MAPK8: variants seen among roughly 807,000 people sequenced by gnomAD.
MAPK8 encodes the protein mitogen-activated protein kinase 8.
MAPK8 carries 13 observed loss-of-function variants against 52.9 expected under a neutral mutation model. That is an observed-to-expected ratio of 0.25 (90% confidence interval 0.16 to 0.39). The LOEUF is 0.39. Ranked by LOEUF, MAPK8 falls within the 10% of genes least tolerant of loss-of-function variation. MAPK8 has a pLI of 1.00. For missense variants in MAPK8, 300 were observed against 519.2 expected (o/e 0.58, Z 4.10); for synonymous variants, 191 against 169.8 (o/e 1.12, Z -0.97).
intron 1 of MAPK8, among the ~76,000 whole-genome samples, chr10:48,331,834 A>T (rs1416867325): frequency 6.6e-6 from 1 of 152,168 alleles, no homozygotes; most frequent in Non-Finnish European, 1.5e-5. Flanking sequence ...ATAGGGGGAT[A>T]ATCCCAAGTA....
chr10:48,341,100 T>A (rs1439737221), intron 1 of MAPK8, among the ~76,000 whole-genome samples: 5 of 152,262 alleles, frequency 3.3e-5, no homozygotes, highest in Non-Finnish European at 5.9e-5. Context: ...TCTACCATGT[T>A]AGAAGCAGAA....
At chr10:48,362,034 A>G (rs1380206029) in intron 1 of MAPK8, among the ~76,000 whole-genome samples, 1 of 152,164 alleles carries the variant, frequency 6.6e-6, no homozygotes, top group Non-Finnish European at 1.5e-5. Context: ...GCCTTGCTTA[A>G]TGTCCTCAGA....
rs114148034 is a variant in MAPK8, at chr10:48,327,964, A to G, written c.-50+21143A>G. On this transcript the variant is annotated intron_variant, in intron 1 of 11. Transcript: ENST00000374189. ...ACTTTTAATGTACTTGGGATAAGTA[A>G]TGATGACCCCTCTTCCATTTGTTAC... 6.4e-3 allele frequency among the ~76,000 whole-genome samples: 970 copies of G among 152,284 alleles called. 6 individuals carry two copies. The highest frequency in any genetic ancestry group is 0.024 in the Middle Eastern group (7 of 294).
intron 6 of MAPK8, 42 bp from the exon 7 acceptor site, chr10:48,424,046 C>A: frequency 6.6e-7 from 1 of 1,519,396 alleles, no homozygotes; most frequent in South Asian, 1.2e-5. Flanking sequence ...TTTTAATGAC[C>A]TTTTGCTTTG....
chr10:48,356,413 A>G (rs80119610), intron 1 of MAPK8, among the ~76,000 whole-genome samples: 1 of 152,344 alleles, frequency 6.6e-6, no homozygotes, highest in East Asian at 1.9e-4. Context: ...AAAAGGAGAA[A>G]AACCCAGAAA....
rs1032416144 is a variant in MAPK8, at chr10:48,437,713, T to G, written c.*2684T>G. The G allele has an allele frequency of 1.3e-5, 2 of 152,224 alleles. No homozygotes were observed. Among genetic ancestry groups the G allele is most frequent in the Non-Finnish European group, 2.9e-5 (2 of 68,042 alleles). The allele number at this position is 152,224 out of a possible 1,614,324, so 9.4% of individuals were successfully genotyped here. On this transcript the variant is annotated 3_prime_UTR_variant, in exon 12 of 12. Transcript: ENST00000374189. ...AGTGTCATGCACCTTTGGCTGCTAA[T>G]TGTTCCTGACGTGCACTCTTCCGAG...
intron 1 of MAPK8, among the ~76,000 whole-genome samples, chr10:48,328,914 A>G (rs1008805239): frequency 1.3e-5 from 2 of 152,064 alleles, no homozygotes; most frequent in African/African-American, 4.8e-5. Flanking sequence ...GGTATTCTGA[A>G]TTATCTAATT....
intron 1 of MAPK8, among the ~76,000 whole-genome samples, chr10:48,339,693 A>G (rs1845046893): frequency 6.6e-6 from 1 of 152,198 alleles, no homozygotes. Context: ...TCCATAATAA[A>G]TAAGGAATTT....
intron 2 of MAPK8, among the ~76,000 whole-genome samples, chr10:48,402,684 C>T (rs2042220141): frequency 6.6e-6 from 1 of 152,146 alleles, no homozygotes; most frequent in Non-Finnish European, 1.5e-5. Flanking sequence ...ATTTCAGAAT[C>T]TATTCTAAAC....
chr10:48,374,782 G>A (rs1018331041), intron 1 of MAPK8, among the ~76,000 whole-genome samples: 5 of 152,136 alleles, frequency 3.3e-5, no homozygotes, highest in African/African-American at 1.2e-4. Flanking sequence ...GGACCAGATG[G>A]ATTCACAGTT....
At chr10:48,397,361 G>T (rs1004080498) in intron 1 of MAPK8, among the ~76,000 whole-genome samples, 1 of 151,446 alleles carries the variant, frequency 6.6e-6, no homozygotes, top group African/African-American at 2.4e-5. Context: ...TCTCTATGTT[G>T]CCTAGGCTGG....
At chr10:48,333,479 TTGAG>T (rs780603675) in intron 1 of MAPK8, among the ~76,000 whole-genome samples, 25 of 152,204 alleles carry the variant, frequency 1.6e-4, no homozygotes, top group Non-Finnish European at 3.2e-4. Context: ...CACCCCATAT[TTGAG>T]TGAGCACTCC....
intron 1 of MAPK8, among the ~76,000 whole-genome samples, chr10:48,399,674 ACT>A (rs2042061189): frequency 6.6e-6 from 1 of 151,844 alleles, no homozygotes; most frequent in African/African-American, 2.4e-5. Context: ...AAGTGGAGAA[ACT>A]CTGAAACACA....
intron 1 of MAPK8, among the ~76,000 whole-genome samples, chr10:48,377,109 CAA>C (rs531250552): frequency 1.1e-4 from 16 of 152,050 alleles, no homozygotes; most frequent in Non-Finnish European, 1.9e-4. Context: ...AGCAAACTAA[CAA>C]AAGAACAGAA....
intron 1 of MAPK8, among the ~76,000 whole-genome samples, chr10:48,329,630 G>C (rs1360093028): frequency 6.6e-6 from 1 of 152,148 alleles, no homozygotes; most frequent in East Asian, 1.9e-4. Flanking sequence ...AGCTAAATGT[G>C]TGTAACTGTT....
chr10:48,352,088 A>G (rs185157888), intron 1 of MAPK8, among the ~76,000 whole-genome samples: 20 of 152,334 alleles, frequency 1.3e-4, no homozygotes, highest in African/African-American at 4.3e-4. Flanking sequence ...ACATACTGCA[A>G]GTCACTCAGT....
At position 48,420,283 on chromosome 10, in the gene MAPK8, A is replaced by T; in HGVS notation, c.579A>T (p.Ala193=). The change falls in exon 6 of 12, where the codon GCA becomes GCT. Residue 193 remains alanine, a synonymous_variant. Transcript: ENST00000374189. ...ATGTAGTGACTCGCTACTACAGAGC[A>T]CCCGAGGTCATCCTTGGCATGGGCT... ...TPYVVTRYYR[A]PEVILGMGYK... The T allele has an allele frequency of 1.9e-6, 3 of 1,613,092 alleles. No individual in the cohort carries two copies. The highest frequency in any genetic ancestry group is 2.5e-6 in the Non-Finnish European group (3 of 1,179,300).
At chr10:48,358,289 T>C (rs1004831397) in intron 1 of MAPK8, among the ~76,000 whole-genome samples, 4 of 152,244 alleles carry the variant, frequency 2.6e-5, no homozygotes, top group African/African-American at 9.6e-5. Context: ...CCATGTGATA[T>C]ACAAGGATTC....
intron 5 of MAPK8, among the ~76,000 whole-genome samples, chr10:48,416,074 C>T (rs2043050937): frequency 6.6e-6 from 1 of 152,138 alleles, no homozygotes; most frequent in Non-Finnish European, 1.5e-5. Context: ...GTACTCATCT[C>T]TCTGCTCTAC....
Sources: allele counts gnomAD v4.1 joint callset (sites outside exome capture counted in the v4.1 genomes callset), GRCh38; gene constraint gnomAD v4.1.1; transcripts MANE v1.5; gene names NCBI Gene and HGNC (gene_info 2026-07-23, HGNC 2026-07-21).